BRI3: variants seen among roughly 807,000 people sequenced by gnomAD.
BRI3 encodes the protein membrane protein BRI3.
In BRI3, 6 loss-of-function variants were observed where a neutral mutation model predicts 12.8. The ratio of observed to expected loss-of-function variants is 0.47; its 90% CI spans 0.26 to 0.93. The LOEUF (loss-of-function observed/expected upper bound fraction) is 0.93. BRI3 is among the 40% of genes least tolerant of loss of function. The pLI, the probability that BRI3 is intolerant of heterozygous loss-of-function variation, is 0.15. For missense variants in BRI3, 134 were observed against 171.1 expected, an observed-to-expected ratio of 0.78 and a Z score of 1.21; for synonymous variants, 91 against 76.1, an observed-to-expected ratio of 1.20 and a Z score of -1.02.
At chr7:98,312,673 G>A (rs1463636914), downstream of BRI3, among the ~76,000 whole-genome samples, 1 of 152,164 alleles carries the variant, frequency 6.6e-6, no homozygotes, top group Non-Finnish European at 1.5e-5. Flanking sequence ...ACAGGCCACG[G>A]GCCCCGTAGT....
At chr7:98,282,496 A>AG in intron 2 of BRI3, 43 bp downstream of exon 2, 1 of 1,539,634 alleles carries the variant, frequency 6.5e-7, no homozygotes, top group Non-Finnish European at 9.0e-7. Context: ...GGAAGCTCTG[A>AG]GGACCCCCGC....
At chr7:98,311,546 C>CA (rs1167290328), downstream of BRI3, among the ~76,000 whole-genome samples, 39 of 148,036 alleles carry the variant, frequency 2.6e-4, no homozygotes, top group Middle Eastern at 3.5e-3. Context: ...GTCTCAAAAA[C>CA]AAAAAAAATA....
chr7:98,287,824 C>G (rs1300371093), intron 2 of BRI3, among the ~76,000 whole-genome samples: 1 of 152,232 alleles, frequency 6.6e-6, no homozygotes, highest in Non-Finnish European at 1.5e-5. Context: ...ATTGCACCAT[C>G]ACACCTGGAT....
chr7:98,313,405 C>T (rs1183592050), downstream of BRI3, among the ~76,000 whole-genome samples: 1 of 152,094 alleles, frequency 6.6e-6, no homozygotes, highest in Non-Finnish European at 1.5e-5. Context: ...TGAAAAGGTG[C>T]TAGGCTGCCT....
chr7:98,298,812 T>TGC (rs1437441129), intron 1 of BRI3, among the ~76,000 whole-genome samples: 3 of 151,906 alleles, frequency 2.0e-5, no homozygotes. Context: ...CCCTCAAGGG[T>TGC]GCCAGAGGCC....
In BRI3 at chr7:98,291,161, T is replaced by C. The variant is rs1463655850; in HGVS notation, c.296T>C (p.Ile99Thr). 2 of 1,614,222 alleles carry C rather than the reference T, an allele frequency of 1.2e-6. No homozygotes were observed. The highest frequency in any genetic ancestry group is 1.1e-5 in the South Asian group (1 of 91,084). The change falls in exon 3 of 3, where the codon ATC becomes ACC. Residue 99 changes from isoleucine (I) to threonine (T), a missense_variant. Transcript: ENST00000297290. ...CFTFLGIFLAIILFPFGFICC... is the reference protein window; with the variant it reads ...CFTFLGIFLATILFPFGFICC... ...ACCTTCCTGGGCATCTTCCTGGCCA[T>C]CATCCTCTTCCCCTTTGGGTTCATT...
upstream of BRI3, among the ~76,000 whole-genome samples, chr7:98,304,855 C>A (rs1157198455): frequency 2.0e-5 from 3 of 147,762 alleles, no homozygotes; most frequent in Non-Finnish European, 4.5e-5. Flanking sequence ...TAAACATATC[C>A]TCACAAGAAA....
downstream of BRI3, among the ~76,000 whole-genome samples, chr7:98,295,909 G>A (rs979261194): frequency 6.6e-6 from 1 of 152,214 alleles, no homozygotes; most frequent in Non-Finnish European, 1.5e-5. Context: ...TAAGATGACA[G>A]CTGGAAGCCA....
chr7:98,304,325 A>G, upstream of BRI3: 2 of 1,613,522 alleles, frequency 1.2e-6, no homozygotes, highest in South Asian at 1.1e-5. Context: ...GGATGACAAC[A>G]CTGCTATTCT....
chr7:98,305,656 C>T (rs925507092), upstream of BRI3, among the ~76,000 whole-genome samples: 3 of 152,142 alleles, frequency 2.0e-5, no homozygotes, highest in African/African-American at 7.2e-5. Context: ...CTTGTGGCCT[C>T]AAGTAATCCT....
downstream of BRI3, chr7:98,293,465 C>T: frequency 6.6e-7 from 1 of 1,521,210 alleles, no homozygotes; most frequent in Non-Finnish European, 9.1e-7. Context: ...ACAGGATGCG[C>T]CCATCATTCC....
At chr7:98,315,625 A>AAATAAT in the BRI3 span, 53 of 1,131,106 alleles carry the variant, frequency 4.7e-5, no homozygotes, top group African/African-American at 6.0e-4. Context: ...AAAAAAAAAA[A>AAATAAT]AATAATAATA....
At chr7:98,306,710 C>T (rs868307188) in intron 1 of BRI3, 7 of 836,394 alleles carry the variant, frequency 8.4e-6, no homozygotes, top group Middle Eastern at 7.3e-4. Flanking sequence ...GTATTGTTAA[C>T]AATTTTTTTT....
At chr7:98,320,610 C>G in the BRI3 span, among the ~76,000 whole-genome samples, 5 of 152,298 alleles carry the variant, frequency 3.3e-5, 1 homozygote, top group African/African-American at 9.6e-5. Flanking sequence ...TCTGGGATTA[C>G]AGGTGTGAGC....
chr7:98,307,169 A>G (rs12673586), intron 1 of BRI3: 66,551 of 165,702 alleles, frequency 0.4, 14,500 homozygotes, highest in Middle Eastern at 0.54. Context: ...CTGGAGTGCA[A>G]TGGCGAGATC....
chr7:98,308,516 C>G, exon 2 of BRI3: 1 of 353,252 alleles, frequency 2.8e-6, no homozygotes, highest in Non-Finnish European at 5.6e-6. Context: ...ATCCACAGGA[C>G]AGACCCCACA....
At chr7:98,292,171 A>G (rs550895663), downstream of BRI3, 29 of 157,520 alleles carry the variant, frequency 1.8e-4, no homozygotes, top group Admixed American at 5.1e-4. Context: ...ACCTTTCCCA[A>G]TCTCAGCCTC....
At chr7:98,297,714 T>G (rs1300800366), downstream of BRI3, among the ~76,000 whole-genome samples, 1 of 152,152 alleles carries the variant, frequency 6.6e-6, no homozygotes, top group Non-Finnish European at 1.5e-5. Flanking sequence ...TCCGAGCCAC[T>G]GGGATCTTTT....
At chr7:98,298,773 GAC>G (rs1325513798) in intron 1 of BRI3, among the ~76,000 whole-genome samples, 1 of 152,278 alleles carries the variant, frequency 6.6e-6, no homozygotes, top group African/African-American at 2.4e-5. Context: ...AAAAGGCTGA[GAC>G]ACATAATTCC....
Sources: gnomAD v4.1 joint callset for allele counts (sites outside exome capture counted in the v4.1 genomes callset) on GRCh38, gnomAD v4.1.1 for gene constraint, MANE v1.5 for transcripts, NCBI Gene and HGNC (gene_info 2026-07-23, HGNC 2026-07-21) for gene names.